The following FAM168A variants were observed in gnomAD, a reference collection of about 807,000 sequenced individuals.
The protein encoded by FAM168A is family with sequence similarity 168 member A.
FAM168A carries 3 observed loss-of-function variants against 28.5 expected under a neutral mutation model. That is an observed-to-expected ratio of 0.11 (90% CI 0.05 to 0.27). The LOEUF is 0.27. Among genes scored for constraint, FAM168A ranks in the 10% least tolerant of loss-of-function variants. The pLI is 1.00. For synonymous variants in FAM168A, 122 were observed against 124.2 expected (o/e 0.98, Z 0.12); for missense variants, 222 against 311.5 (o/e 0.71, Z 2.16).
At chr11:73,542,225 A>C (rs1195578025) in intron 1 of FAM168A, among the ~76,000 whole-genome samples, 1 of 152,196 alleles carries the variant, frequency 6.6e-6, no homozygotes, top group Non-Finnish European at 1.5e-5. Flanking sequence ...TGAATTTCAG[A>C]CTTGTATATC....
chr11:73,411,913 G>T (rs147831257), intron 4 of FAM168A, among the ~76,000 whole-genome samples: 241 of 152,284 alleles, frequency 1.6e-3, no homozygotes, highest in African/African-American at 5.6e-3. Context: ...GCTCTTTATT[G>T]CTACTCTACT....
At chr11:73,544,985 T>TTATATATAGTATATATAATATACTA (rs1170355665) in intron 1 of FAM168A, among the ~76,000 whole-genome samples, 35 of 73,074 alleles carry the variant, frequency 4.8e-4, no homozygotes, top group East Asian at 2.0e-3. Flanking sequence ...ATAATATATT[T>TTATATATAGTATATATAATATACTA]TATATATAGT....
chr11:73,449,875 A>G (rs1027512196), intron 2 of FAM168A, among the ~76,000 whole-genome samples: 1 of 152,234 alleles, frequency 6.6e-6, no homozygotes, highest in East Asian at 1.9e-4. Flanking sequence ...TAGCTTAAAC[A>G]AGACCAAGGA....
At position 73,405,709 on chromosome 11, in the gene FAM168A, G is replaced by C. The variant is rs1285383572; in HGVS notation, c.*1054C>G. 1.3e-5 allele frequency: 2 copies of C among 152,224 alleles called. No homozygotes were observed. The highest frequency in any genetic ancestry group is 2.9e-5 in the Non-Finnish European group (2 of 68,048). The allele number at this position is 152,224 out of a possible 1,614,324, so 9.4% of individuals were successfully genotyped here. On this transcript the variant is annotated 3_prime_UTR_variant, in exon 8 of 8. Coordinates refer to ENST00000356467, the MANE Select transcript of FAM168A (RefSeq NM_015159.3). ...CTTCACTTGGGCCATGAATGGCACA[G>C]GTAACCAAGAGCTTGGCCTGCCTGC...
At chr11:73,596,927 TTTC>T (rs1388914896) in intron 1 of FAM168A, among the ~76,000 whole-genome samples, 2 of 152,072 alleles carry the variant, frequency 1.3e-5, no homozygotes, top group Non-Finnish European at 2.9e-5. Context: ...CAAGGGATAT[TTTC>T]TTCAAGATAC....
chr11:73,509,683 C>A lies in FAM168A; in HGVS notation c.-18-41191G>T, dbSNP rs182191841. Reference sequence around the variant, plus strand: ...AGAAATAAAAATTAAATCCCCAAATCTAGAATTCTAGGCTTTTAAGACCTA... The same window carrying A: ...AGAAATAAAAATTAAATCCCCAAATATAGAATTCTAGGCTTTTAAGACCTA... On this transcript the variant is annotated intron_variant, in intron 1 of 7. Coordinates refer to ENST00000356467, the MANE Select transcript of FAM168A (RefSeq NM_015159.3). Among the ~76,000 whole-genome samples the A allele has an allele frequency of 2.7e-3, 410 of 152,298 alleles. 3 individuals carry two copies. Among genetic ancestry groups the A allele is most frequent in the African/African-American group, 9.5e-3 (394 of 41,576 alleles).
Position 73,405,841 on chromosome 11 carries a change from G to A in FAM168A, c.*922C>T, listed in dbSNP as rs1021264342. Reference sequence around the variant, plus strand: ...AATCAGGAGGAAGCTCCTCATCAGAGTGGGTCCATGACAGCTCAGAGGCTG... The same window carrying A: ...AATCAGGAGGAAGCTCCTCATCAGAATGGGTCCATGACAGCTCAGAGGCTG... On this transcript the variant is annotated 3_prime_UTR_variant, in exon 8 of 8. Coordinates refer to ENST00000356467, the MANE Select transcript of FAM168A (RefSeq NM_015159.3). 8 of 152,428 alleles carry A rather than the reference G, an allele frequency of 5.2e-5. No individual in the cohort carries two copies. Among genetic ancestry groups the A allele is most frequent in the African/African-American group, 1.9e-4 (8 of 41,460 alleles). The allele number at this position is 152,428 out of a possible 1,614,324, so 9.4% of individuals were successfully genotyped here.
chr11:73,448,233 A>G (rs974255740), intron 2 of FAM168A, among the ~76,000 whole-genome samples: 22 of 151,740 alleles, frequency 1.4e-4, no homozygotes, highest in Non-Finnish European at 2.9e-4. Flanking sequence ...TTTTTAGTAG[A>G]GACGGGGTTT....
intron 1 of FAM168A, among the ~76,000 whole-genome samples, chr11:73,571,228 TCCCCCTC>T (rs1944082880): frequency 2.6e-5 from 1 of 38,374 alleles, no homozygotes; most frequent in African/African-American, 1.0e-4. Flanking sequence ...CCTCTCCCCC[TCCCCCTC>T]CCCCCCCCCT....
At chr11:73,513,798 A>C (rs1468890848) in intron 1 of FAM168A, among the ~76,000 whole-genome samples, 1 of 152,178 alleles carries the variant, frequency 6.6e-6, no homozygotes, top group Non-Finnish European at 1.5e-5. Flanking sequence ...CAAAAAACAA[A>C]CCCAGAATAT....
intron 1 of FAM168A, among the ~76,000 whole-genome samples, chr11:73,589,089 T>C (rs1360811808): frequency 6.6e-6 from 1 of 152,192 alleles, no homozygotes; most frequent in African/African-American, 2.4e-5. Context: ...AAATTTTTGT[T>C]GTTTAAACCA....
At chr11:73,524,895 C>T (rs1371092817) in intron 1 of FAM168A, among the ~76,000 whole-genome samples, 2 of 152,194 alleles carry the variant, frequency 1.3e-5, no homozygotes, top group African/African-American at 4.8e-5. Context: ...CCGCTGCATC[C>T]AGCCTACTTT....
chr11:73,577,407 T>C (rs1483578750), intron 1 of FAM168A, among the ~76,000 whole-genome samples: 1 of 152,208 alleles, frequency 6.6e-6, no homozygotes, highest in Non-Finnish European at 1.5e-5. Context: ...TATTTATCTG[T>C]TGTTATTTAT....
intron 2 of FAM168A, among the ~76,000 whole-genome samples, chr11:73,440,150 T>C (rs1867168120): frequency 6.6e-6 from 1 of 152,144 alleles, no homozygotes; most frequent in African/African-American, 2.4e-5. Flanking sequence ...CCTCCCAAAG[T>C]GCTGGGATTA....
At chr11:73,455,021 C>T (rs1172607429) in intron 2 of FAM168A, among the ~76,000 whole-genome samples, 2 of 152,214 alleles carry the variant, frequency 1.3e-5, no homozygotes, top group African/African-American at 2.4e-5. Context: ...GGCAGCCTCA[C>T]ACAAAAAGGC....
chr11:73,446,534 C>A (rs946677137), intron 2 of FAM168A, among the ~76,000 whole-genome samples: 2 of 152,224 alleles, frequency 1.3e-5, no homozygotes, highest in Non-Finnish European at 1.5e-5. Flanking sequence ...GCCTCAGTAC[C>A]CCCAAGAACT....
At chr11:73,563,376 A>C (rs1431601309) in intron 1 of FAM168A, among the ~76,000 whole-genome samples, 1 of 152,216 alleles carries the variant, frequency 6.6e-6, no homozygotes, top group African/African-American at 2.4e-5. Context: ...TTTAGAGATA[A>C]TTTATGTAGA....
rs1035694854 is a variant in FAM168A, at chr11:73,404,999, A to G, written c.*1764T>C. The G allele has an allele frequency of 1.3e-5, 2 of 152,186 alleles. No individual in the cohort carries two copies. The highest frequency in any genetic ancestry group is 4.8e-5 in the African/African-American group (2 of 41,436). The allele number at this position is 152,186 out of a possible 1,614,324, so 9.4% of individuals were successfully genotyped here. ...GCTGGGCAATCCAGGCTCCTGGCTG[A>G]GACTAGCAGGGACCTCCTCGTCCCA... is the stretch of plus-strand genomic sequence containing the variant. On this transcript the variant is annotated 3_prime_UTR_variant, in exon 8 of 8. Coordinates refer to ENST00000356467, the MANE Select transcript of FAM168A (RefSeq NM_015159.3).
chr11:73,592,364 A>G (rs185693552), intron 1 of FAM168A, among the ~76,000 whole-genome samples: 3 of 152,354 alleles, frequency 2.0e-5, no homozygotes, highest in Admixed American at 1.3e-4. Flanking sequence ...ATTTGACAAA[A>G]AAATTCTATA....
Sources: allele counts gnomAD v4.1 joint callset (sites outside exome capture counted in the v4.1 genomes callset), GRCh38; gene constraint gnomAD v4.1.1; transcripts MANE v1.5; gene names NCBI Gene and HGNC (gene_info 2026-07-23, HGNC 2026-07-21).